The following KIRREL3 variants were observed in gnomAD, a reference collection of about 807,000 sequenced individuals.
KIRREL3 encodes kin of IRRE-like protein 3.
Under a neutral mutation model 89.7 loss-of-function variants are expected in KIRREL3, and 36 were observed. The ratio of observed to expected loss-of-function variants is 0.40; its 90% confidence interval spans 0.31 to 0.53. KIRREL3 has a LOEUF of 0.53. Among genes scored for constraint, KIRREL3 ranks in the 20% least tolerant of loss-of-function variants. The pLI, the probability that KIRREL3 is intolerant of heterozygous loss-of-function variation, is 0.49. For missense variants in KIRREL3, 864 were observed against 1,056.6 expected, an observed-to-expected ratio of 0.82 and a Z score of 2.53; for synonymous variants, 445 against 441.4, an observed-to-expected ratio of 1.01 and a Z score of -0.10.
Position 126,694,746 on chromosome 11 carries a change from G to A in KIRREL3, c.56-131834C>T, listed in dbSNP as rs1041622610. On this transcript the variant is annotated intron_variant, in intron 1 of 16. Coordinates refer to ENST00000525144, the MANE Select transcript of KIRREL3 (RefSeq NM_032531.4). This position sits in a 1 kb window ranked among gnomAD's most constrained non-coding sequence, Gnocchi z 4.4. ...TGAATACTGGGCTGTTGTTAATAATGATGATGGAATTCATTATATATATGA... is the reference window on the plus strand; with the variant it reads ...TGAATACTGGGCTGTTGTTAATAATAATGATGGAATTCATTATATATATGA... 6.6e-6 allele frequency among the ~76,000 whole-genome samples: 1 copy of A among 152,154 alleles called. No homozygotes were observed. Among genetic ancestry groups the A allele is most frequent in the Non-Finnish European group, 1.5e-5 (1 of 68,020 alleles).
chr11:126,878,048 G>C lies in KIRREL3; in HGVS notation c.55+122407C>G, dbSNP rs555423694. On this transcript the variant is annotated intron_variant, in intron 1 of 16. Transcript: ENST00000525144. ...CTGGACACCCTAGGCTTCTAACTCA[G>C]TGTTTTTCAATTCTACCCTATGGCC... Among the ~76,000 whole-genome samples, 6 of 152,256 alleles carry C rather than the reference G, an allele frequency of 3.9e-5. No individual in the cohort carries two copies. In the South Asian group the frequency reaches 1.2e-3, roughly 32 times the overall value.
rs893050947 is a variant in KIRREL3 at position 126,653,370 on chromosome 11, C to T, written c.56-90458G>A. The stretch of plus-strand genomic sequence containing the variant: ...CCAGGAAGCCAAGCCCCTGTGCTGC[C>T]TCAGTTTGTAAGTAGGCATTTGACC... On this transcript the variant is annotated intron_variant, in intron 1 of 16. Coordinates refer to ENST00000525144, the MANE Select transcript of KIRREL3 (RefSeq NM_032531.4). This position sits in a 1 kb window ranked among gnomAD's most constrained non-coding sequence, Gnocchi z 5.4. Among the ~76,000 whole-genome samples, 2 of 141,896 alleles carry T rather than the reference C, an allele frequency of 1.4e-5. No homozygotes were observed. Among genetic ancestry groups the T allele is most frequent in the Non-Finnish European group, 3.3e-5 (2 of 61,534 alleles). The allele number at this position is 141,896 out of a possible 152,430, so 93.1% of individuals were successfully genotyped here. A position where few individuals can be genotyped will look rare whatever the true frequency, so the allele number is the denominator to read the frequency against.
intron 4 of KIRREL3, among the ~76,000 whole-genome samples, chr11:126,509,709 A>C (rs1401652920): frequency 2.0e-5 from 3 of 152,166 alleles, no homozygotes; most frequent in African/African-American, 7.2e-5. Context: ...TCAGCACTCA[A>C]ATTGGGCCCA....
At position 126,997,486 on chromosome 11, in the gene KIRREL3, C is replaced by A. The variant is rs1950209064; in HGVS notation, c.55+2969G>T. The stretch of plus-strand genomic sequence containing the variant: ...GGAATGTTATTTAGCCTTACTACTG[C>A]CACCTTAAGAAAGATAAAGAAATAC... On this transcript the variant is annotated intron_variant, in intron 1 of 16. Coordinates refer to ENST00000525144, the MANE Select transcript of KIRREL3 (RefSeq NM_032531.4). This position sits in a 1 kb window ranked among gnomAD's most constrained non-coding sequence, Gnocchi z 4.3. 6.6e-6 allele frequency among the ~76,000 whole-genome samples: 1 copy of A among 152,026 alleles called. No homozygotes were observed. Among genetic ancestry groups the A allele is most frequent in the African/African-American group, 2.4e-5 (1 of 41,390 alleles).
intron 4 of KIRREL3, among the ~76,000 whole-genome samples, chr11:126,493,393 C>T (rs1957573021): frequency 6.6e-6 from 1 of 150,724 alleles, no homozygotes; most frequent in East Asian, 1.9e-4. Flanking sequence ...CAGTGGCTCA[C>T]GCCTGTAATC....
chr11:126,854,125 C>CTT (rs370884724), intron 1 of KIRREL3, among the ~76,000 whole-genome samples: 28 of 69,414 alleles, frequency 4.0e-4, no homozygotes, highest in South Asian at 1.3e-3. Flanking sequence ...TAATAAGTTT[C>CTT]TTGTGTGTGT....
chr11:126,635,768 GT>G lies in KIRREL3; in HGVS notation c.56-72857del, dbSNP rs1233568779. ...ACCTGTTCTACTGATCTGAAGAATT[GT>G]TGTGGTAATCTGAAGAGGCGATTGG... On this transcript the variant is annotated intron_variant, in intron 1 of 16. Transcript: ENST00000525144. This position sits in a 1 kb window ranked among gnomAD's most constrained non-coding sequence, Gnocchi z 4.0. Among the ~76,000 whole-genome samples, 5 of 152,202 alleles carry G rather than the reference GT, an allele frequency of 3.3e-5. No individual in the cohort carries two copies. Among genetic ancestry groups the G allele is most frequent in the Non-Finnish European group, 5.9e-5 (4 of 68,040 alleles).
intron 1 of KIRREL3, among the ~76,000 whole-genome samples, chr11:126,818,618 AGTAGTAGTGT>A (rs372228672): frequency 0.017 from 1,216 of 72,964 alleles, 7 homozygotes; most frequent in South Asian, 0.049. Flanking sequence ...TAGTAGTAGT[AGTAGTAGTGT>A]GTGTGTGTGT....
At chr11:126,810,396 C>A (rs1951341296) in intron 1 of KIRREL3, among the ~76,000 whole-genome samples, 1 of 152,210 alleles carries the variant, frequency 6.6e-6, no homozygotes, top group African/African-American at 2.4e-5. Flanking sequence ...TTTCTGCAGA[C>A]ACACAAGGAC....
At position 126,953,914 on chromosome 11, in the gene KIRREL3, C is replaced by A. The variant is rs1040297020; in HGVS notation, c.55+46541G>T. On this transcript the variant is annotated intron_variant, in intron 1 of 16. Coordinates refer to ENST00000525144, the MANE Select transcript of KIRREL3 (RefSeq NM_032531.4). The surrounding 1 kb of genome is among the most constrained non-coding windows in gnomAD (Gnocchi z 5.2). The stretch of plus-strand genomic sequence containing the variant: ...TATGTTAATCTGATTTAGATCTTTT[C>A]TTTTCCCCTTTCTTTCTTTGCTGAG... 6.6e-6 allele frequency among the ~76,000 whole-genome samples: 1 copy of A among 152,126 alleles called. No individual in the cohort carries two copies. The highest frequency in any genetic ancestry group is 2.4e-5 in the African/African-American group (1 of 41,426).
Position 126,689,802 on chromosome 11 carries a change from A to G in KIRREL3, c.56-126890T>C, listed in dbSNP as rs1158971116. Reference sequence around the variant, plus strand: ...GTTAGCACGGAAGGTATAATCTGCTAGTCAGATTTCACATGGCTGCACAGA... The same window carrying G: ...GTTAGCACGGAAGGTATAATCTGCTGGTCAGATTTCACATGGCTGCACAGA... On this transcript the variant is annotated intron_variant, in intron 1 of 16. Coordinates refer to ENST00000525144, the MANE Select transcript of KIRREL3 (RefSeq NM_032531.4). The surrounding 1 kb of genome is among the most constrained non-coding windows in gnomAD (Gnocchi z 5.2). 1.3e-5 allele frequency among the ~76,000 whole-genome samples: 2 copies of G among 152,222 alleles called. No individual in the cohort carries two copies. Among genetic ancestry groups the G allele is most frequent in the African/African-American group, 4.8e-5 (2 of 41,460 alleles).
rs1592024738 is a variant in KIRREL3 at position 126,724,478 on chromosome 11, A to G, written c.56-161566T>C. ...GAGGTTCGGAGCCATGTCACTCCCT[A>G]TCAGCCCTCTCCAAACATCCAGGCA... On this transcript the variant is annotated intron_variant, in intron 1 of 16. Coordinates refer to ENST00000525144, the MANE Select transcript of KIRREL3 (RefSeq NM_032531.4). The surrounding 1 kb of genome is among the most constrained non-coding windows in gnomAD (Gnocchi z 4.3). 6.6e-6 allele frequency among the ~76,000 whole-genome samples: 1 copy of G among 152,130 alleles called. No individual in the cohort carries two copies. Among genetic ancestry groups the G allele is most frequent in the South Asian group, 2.1e-4 (1 of 4,828 alleles).
At position 126,872,603 on chromosome 11, in the gene KIRREL3, G is replaced by T. The variant is rs1156461810; in HGVS notation, c.55+127852C>A. ...TTTACATCAAACAGCCCCTCTAAGG[G>T]ACCTTAGGCCTTGTTATCTTTGAAA... On this transcript the variant is annotated intron_variant, in intron 1 of 16. Transcript: ENST00000525144. This position sits in a 1 kb window ranked among gnomAD's most constrained non-coding sequence, Gnocchi z 4.2. Among the ~76,000 whole-genome samples, 8 of 152,194 alleles carry T rather than the reference G, an allele frequency of 5.3e-5. No homozygotes were observed. The highest frequency in any genetic ancestry group is 1.9e-4 in the African/African-American group (8 of 41,448).
Position 126,459,719 on chromosome 11 carries a change from T to A in KIRREL3, c.743-3265A>T, listed in dbSNP as rs555835505. 6.6e-6 allele frequency among the ~76,000 whole-genome samples: 1 copy of A among 152,284 alleles called. No homozygotes were observed. Among genetic ancestry groups the A allele is most frequent in the East Asian group, 1.9e-4 (1 of 5,176 alleles). On this transcript the variant is annotated intron_variant, in intron 6 of 16. Coordinates refer to ENST00000525144, the MANE Select transcript of KIRREL3 (RefSeq NM_032531.4). This position sits in a 1 kb window ranked among gnomAD's most constrained non-coding sequence, Gnocchi z 4.8. ...CTGTTAGTGTTTCCATCCGCCCGTG[T>A]GTGCGTGTGTCCATGTGTGTGTGTT...
intron 1 of KIRREL3, among the ~76,000 whole-genome samples, chr11:126,958,273 C>T (rs1948980285): frequency 6.6e-6 from 1 of 152,206 alleles, no homozygotes; most frequent in Non-Finnish European, 1.5e-5. Context: ...ACATTGGAAA[C>T]ATGGAGATGT....
chr11:126,938,759 T>C (rs1217444530), intron 1 of KIRREL3, among the ~76,000 whole-genome samples: 1 of 152,242 alleles, frequency 6.6e-6, no homozygotes, highest in Non-Finnish European at 1.5e-5. Context: ...ACCACTTTTG[T>C]ATCTTATAGA....
In KIRREL3 at chr11:126,424,531, C is replaced by T. The variant is rs190429329; in HGVS notation, c.*49G>A. ...ACCCCTCGTCCCTGGACAACCAGAA[C>T]GTGCCCTGACCTCTTCCCTGGCCCG... On this transcript the variant is annotated 3_prime_UTR_variant, in exon 17 of 17. Coordinates refer to ENST00000525144, the MANE Select transcript of KIRREL3 (RefSeq NM_032531.4). 163 of 1,577,256 alleles carry T rather than the reference C, an allele frequency of 1.0e-4. 1 individual carries two copies. The highest frequency in any genetic ancestry group is 3.3e-4 in the South Asian group (29 of 88,344).
At chr11:126,595,974 C>A (rs954284291) in intron 1 of KIRREL3, among the ~76,000 whole-genome samples, 1 of 152,186 alleles carries the variant, frequency 6.6e-6, no homozygotes, top group African/African-American at 2.4e-5. Context: ...TGCTGTGTTT[C>A]CTCCCTTAGG....
At chr11:126,959,415 C>G (rs1039863122) in intron 1 of KIRREL3, among the ~76,000 whole-genome samples, 19 of 152,290 alleles carry the variant, frequency 1.2e-4, no homozygotes, top group African/African-American at 4.6e-4. Flanking sequence ...AAACCCCTGA[C>G]TCTTATACCC....
Sources: allele counts gnomAD v4.1 joint callset (sites outside exome capture counted in the v4.1 genomes callset), GRCh38; gene constraint gnomAD v4.1.1; non-coding constraint Gnocchi (gnomAD v3.1); transcripts MANE v1.5; gene names NCBI Gene and HGNC (gene_info 2026-07-23, HGNC 2026-07-21).